The following PDK1 variants were observed in gnomAD, a reference collection of about 807,000 sequenced individuals.
PDK1 encodes pyruvate dehydrogenase kinase 1, also known as [Pyruvate dehydrogenase (acetyl-transferring)] kinase isozyme 1, mitochondrial.
In PDK1, 39 loss-of-function variants were observed where a neutral mutation model predicts 54.2. The observed-to-expected ratio is 0.72, with a 90% CI of 0.56 to 0.94. The LOEUF (loss-of-function observed/expected upper bound fraction) is 0.94. Ranked by LOEUF, PDK1 falls within the 40% of genes least tolerant of loss-of-function variation. The pLI is 0.00. For missense variants in PDK1, 552 were observed against 566.0 expected, an observed-to-expected ratio of 0.98 and a Z score of 0.25; for synonymous variants, 221 against 207.1, an observed-to-expected ratio of 1.07 and a Z score of -0.58.
rs1196763867 is a variant in PDK1 at position 172,596,378 on chromosome 2, C to T, written c.*409C>T. ...CATCTTCCTGTTATTTGGAGGAGTT[C>T]TGCCATCTTTTATTCGGTAGTGACA... On this transcript the variant is annotated 3_prime_UTR_variant, in exon 11 of 11. Coordinates refer to ENST00000282077, the MANE Select transcript of PDK1 (RefSeq NM_002610.5). 6.3e-6 allele frequency: 1 copy of T among 158,228 alleles called. No homozygotes were observed. The highest frequency in any genetic ancestry group is 1.4e-5 in the Non-Finnish European group (1 of 71,548). 9.8% of individuals were successfully genotyped at this position (158,228 alleles called of 1,614,324 possible).
chr2:172,556,117 C>G lies in PDK1; in HGVS notation c.-34C>G. Reference sequence around the variant, plus strand: ...TCGGCAGAGGCGCGGGGAAACCTGGCGTACTGGCTGTGGCTTCTCTAGCGG... The same window carrying G: ...TCGGCAGAGGCGCGGGGAAACCTGGGGTACTGGCTGTGGCTTCTCTAGCGG... On this transcript the variant is annotated 5_prime_UTR_variant, in exon 1 of 11. Transcript: ENST00000282077. 1 of 1,358,680 alleles carries G rather than the reference C, an allele frequency of 7.4e-7. No individual in the cohort carries two copies. Among genetic ancestry groups the G allele is most frequent in the Non-Finnish European group, 9.4e-7 (1 of 1,058,496 alleles). The allele number at this position is 1,358,680 out of a possible 1,614,324, so 84.2% of individuals were successfully genotyped here. A position where few individuals can be genotyped will look rare whatever the true frequency, so the allele number is the denominator to read the frequency against.
At chr2:172,684,941 T>C in the PDK1 span, among the ~76,000 whole-genome samples, 1 of 152,256 alleles carries the variant, frequency 6.6e-6, no homozygotes, top group East Asian at 1.9e-4. Flanking sequence ...AGGGAGGTGA[T>C]GGGGCGCTTT....
At chr2:172,568,956 C>G (rs768975655) in intron 7 of PDK1, 139 bp downstream of exon 7, 63 of 629,744 alleles carry the variant, frequency 1.0e-4, no homozygotes, top group Middle Eastern at 7.2e-4. Context: ...TGCTGGAGAT[C>G]AGCTTTTTAT....
chr2:172,620,882 C>T, the PDK1 span, among the ~76,000 whole-genome samples: 1 of 152,194 alleles, frequency 6.6e-6, no homozygotes, highest in Admixed American at 6.5e-5. Context: ...GAGCCAATTA[C>T]ATCTCTTTTA....
the PDK1 span, among the ~76,000 whole-genome samples, chr2:172,672,381 A>T: frequency 6.6e-6 from 1 of 152,116 alleles, no homozygotes; most frequent in East Asian, 1.9e-4. Flanking sequence ...TGCTAAGTAA[A>T]TTTGTTTATT....
the PDK1 span, among the ~76,000 whole-genome samples, chr2:172,663,019 AG>A: frequency 6.6e-6 from 1 of 152,202 alleles, no homozygotes; most frequent in Admixed American, 6.5e-5. Context: ...GGAAAGAGGA[AG>A]GGTTGGTGTA....
chr2:172,663,095 T>G, the PDK1 span, among the ~76,000 whole-genome samples: 10 of 152,344 alleles, frequency 6.6e-5, no homozygotes, highest in Middle Eastern at 3.4e-3. Context: ...GAAATGTATT[T>G]CCTCACCATT....
chr2:172,656,503 C>G, the PDK1 span, among the ~76,000 whole-genome samples: 1 of 152,172 alleles, frequency 6.6e-6, no homozygotes, highest in Non-Finnish European at 1.5e-5. Context: ...TTTTCTTCCC[C>G]AGGTTGATTA....
At chr2:172,621,577 A>G in the PDK1 span, among the ~76,000 whole-genome samples, 1 of 146,902 alleles carries the variant, frequency 6.8e-6, no homozygotes. Context: ...TATATTATAT[A>G]TGATATATGT....
the PDK1 span, chr2:172,677,049 T>A: frequency 6.6e-6 from 1 of 152,246 alleles, no homozygotes; most frequent in African/African-American, 2.4e-5. Flanking sequence ...TAGTGTTTTT[T>A]AAATACATAA....
chr2:172,623,165 G>T, the PDK1 span, among the ~76,000 whole-genome samples: 1 of 151,610 alleles, frequency 6.6e-6, no homozygotes, highest in African/African-American at 2.4e-5. Context: ...AAAAGAATTT[G>T]TCTCAAAAAC....
chr2:172,680,211 T>C, the PDK1 span, among the ~76,000 whole-genome samples: 1 of 152,228 alleles, frequency 6.6e-6, no homozygotes, highest in Non-Finnish European at 1.5e-5. Context: ...TGCCAGAATT[T>C]TTCCTGAATT....
At chr2:172,555,931 G>A (rs938824841), upstream of PDK1, 32 of 378,314 alleles carry the variant, frequency 8.5e-5, no homozygotes, top group African/African-American at 6.7e-4. Flanking sequence ...CGGCGAGGGG[G>A]CGGGCCCCGC....
At chr2:172,621,868 GTATGA>G in the PDK1 span, among the ~76,000 whole-genome samples, 10 of 96,304 alleles carry the variant, frequency 1.0e-4, no homozygotes, top group South Asian at 3.1e-4. Flanking sequence ...TATCTCATAT[GTATGA>G]TATATGTTTA....
At chr2:172,644,714 C>G in the PDK1 span, among the ~76,000 whole-genome samples, 1 of 152,314 alleles carries the variant, frequency 6.6e-6, no homozygotes, top group African/African-American at 2.4e-5. Context: ...GCAATGGCTT[C>G]CTTTTCCAAT....
At chr2:172,694,200 G>A in the PDK1 span, among the ~76,000 whole-genome samples, 4 of 152,302 alleles carry the variant, frequency 2.6e-5, no homozygotes, top group African/African-American at 9.6e-5. Context: ...ATAGCATTGA[G>A]GGAAGAGAAC....
chr2:172,646,505 C>CAA, the PDK1 span, among the ~76,000 whole-genome samples: 32 of 149,974 alleles, frequency 2.1e-4, no homozygotes, highest in East Asian at 7.8e-4. Context: ...ACATCGAAGG[C>CAA]AAAAAAAAAG....
chr2:172,595,094 A>G (rs1690817081), intron 10 of PDK1, among the ~76,000 whole-genome samples: 1 of 152,192 alleles, frequency 6.6e-6, no homozygotes. Flanking sequence ...TATAGAGTCA[A>G]TATCTTGCTT....
At chr2:172,686,587 C>T in the PDK1 span, among the ~76,000 whole-genome samples, 85 of 152,318 alleles carry the variant, frequency 5.6e-4, 1 homozygote, top group Middle Eastern at 6.8e-3. Context: ...CTGGCCACCC[C>T]AGCCTGCAGC....
Sources: gnomAD v4.1 joint callset for allele counts (sites outside exome capture counted in the v4.1 genomes callset) on GRCh38, gnomAD v4.1.1 for gene constraint, MANE v1.5 for transcripts, NCBI Gene and HGNC (gene_info 2026-07-23, HGNC 2026-07-21) for gene names.